The following RNF111 variants were observed in gnomAD, a reference collection of about 807,000 sequenced individuals.
The protein encoded by RNF111 is ring finger protein 111, also known as E3 ubiquitin-protein ligase Arkadia.
In RNF111, 17 loss-of-function variants were observed where a neutral mutation model predicts 95.1. The ratio of observed to expected loss-of-function variants is 0.18; its 90% CI spans 0.12 to 0.27. The LOEUF (loss-of-function observed/expected upper bound fraction) is 0.27. Among genes scored for constraint, RNF111 ranks in the 10% least tolerant of loss-of-function variants. The pLI, the probability that RNF111 is intolerant of heterozygous loss-of-function variation, is 1.00. For missense variants in RNF111, 1,189 were observed against 1,210.4 expected, an observed-to-expected ratio of 0.98 and a Z score of 0.26; for synonymous variants, 440 against 414.8, an observed-to-expected ratio of 1.06 and a Z score of -0.74.
chr15:59,090,615 G>T (rs939969660), intron 11 of RNF111, among the ~76,000 whole-genome samples: 3 of 152,124 alleles, frequency 2.0e-5, no homozygotes, highest in African/African-American at 7.2e-5. Context: ...TAATTTACTA[G>T]AATTATTTCA....
chr15:59,017,176 G>A (rs1596089115), intron 1 of RNF111, among the ~76,000 whole-genome samples: 1 of 129,330 alleles, frequency 7.7e-6, no homozygotes, highest in East Asian at 2.7e-4. Context: ...TGGAAAAATT[G>A]TCTTCTACGA....
chr15:59,055,627 G>T, intron 3 of RNF111, 55 bp from the exon 4 acceptor site: 1 of 1,323,946 alleles, frequency 7.6e-7, no homozygotes, highest in Middle Eastern at 2.7e-4. Context: ...GGGTTTTTGT[G>T]GTGACTAAAA....
In RNF111 at chr15:59,076,015, A is replaced by G. The variant is rs1292420193; in HGVS notation, c.1748A>G (p.His583Arg). Residue 583 changes from histidine to arginine, a missense_variant, in exon 7 of 14, where the codon CAT becomes CGT. Physicochemically the swap from His to Arg is conservative, Grantham distance 29. This residue lies in a region of RNF111 where 1,024 missense variants were observed against 925.9 expected (regional missense o/e 1.11). Transcript: ENST00000348370. ...GIRSHGSGSF[H>R]GASAFDPCCP... ...AGAAGTCATGGAAGTGGCAGTTTTC[A>G]TGGAGCATCTGCATTTGACCCCTGC... 3 of 1,614,240 alleles carry G rather than the reference A, an allele frequency of 1.9e-6. No homozygotes were observed. The highest frequency in any genetic ancestry group is 2.5e-6 in the Non-Finnish European group (3 of 1,180,042).
chr15:59,014,940 CAG>C (rs1236088000), intron 1 of RNF111, among the ~76,000 whole-genome samples: 5 of 152,170 alleles, frequency 3.3e-5, no homozygotes, highest in African/African-American at 1.2e-4. Context: ...TTTTTAGAGA[CAG>C]AGTTTCACCA....
intron 2 of RNF111, among the ~76,000 whole-genome samples, chr15:59,032,535 C>T (rs76666814): frequency 0.03 from 4,508 of 152,220 alleles, 222 homozygotes; most frequent in African/African-American, 0.1. Context: ...CGTCCTCCCA[C>T]GTCAGCGCCT....
At chr15:59,057,806 A>C (rs1415541594) in intron 4 of RNF111, among the ~76,000 whole-genome samples, 1 of 152,246 alleles carries the variant, frequency 6.6e-6, no homozygotes, top group African/African-American at 2.4e-5. Flanking sequence ...ATGTGATCTC[A>C]GTTCATCCTA....
At chr15:59,083,049 T>G (rs1249205741) in intron 8 of RNF111, among the ~76,000 whole-genome samples, 1 of 152,010 alleles carries the variant, frequency 6.6e-6, no homozygotes, top group African/African-American at 2.4e-5. Flanking sequence ...CTCAGGTGGC[T>G]GAGGTGGGAG....
intron 7 of RNF111, among the ~76,000 whole-genome samples, chr15:59,077,935 G>T (rs927826514): frequency 6.6e-6 from 1 of 152,098 alleles, no homozygotes; most frequent in Non-Finnish European, 1.5e-5. Flanking sequence ...CAACTTGCCC[G>T]TGCTTTTAAA....
At chr15:59,091,793 T>C (rs1277572982) in intron 12 of RNF111, among the ~76,000 whole-genome samples, 2 of 152,126 alleles carry the variant, frequency 1.3e-5, no homozygotes, top group Non-Finnish European at 2.9e-5. Context: ...GAGGGGATAG[T>C]TTCAGAATGA....
chr15:59,030,930 C>G lies in RNF111; in HGVS notation c.108C>G (p.Ile36Met). ...AGACACAGGAGAGTCTGAAAGGGATCCTTTTGCATCCAGAGCCCATTGGGG... is the reference window on the plus strand; with the variant it reads ...AGACACAGGAGAGTCTGAAAGGGATGCTTTTGCATCCAGAGCCCATTGGGG... ...APKTQESLKG[I>M]LLHPEPIGAA... The change falls in exon 2 of 14, where the codon ATC becomes ATG. Residue 36 changes from isoleucine (I) to methionine (M), a missense_variant. Physicochemically the swap from Ile to Met is conservative, Grantham distance 10. Coordinates refer to ENST00000348370, the MANE Select transcript of RNF111 (RefSeq NM_017610.8). 1 of 1,614,196 alleles carries G rather than the reference C, an allele frequency of 6.2e-7. No individual in the cohort carries two copies. The highest frequency in any genetic ancestry group is 8.5e-7 in the Non-Finnish European group (1 of 1,180,038).
intron 5 of RNF111, 94 bp downstream of exon 5, chr15:59,058,644 A>G (rs2042302829): frequency 2.8e-6 from 3 of 1,069,290 alleles, no homozygotes; most frequent in Non-Finnish European, 4.3e-6. Flanking sequence ...AGCTATGTTA[A>G]TAAGCGGGTA....
At chr15:58,997,075 G>A (rs2039107969) in intron 1 of RNF111, among the ~76,000 whole-genome samples, 1 of 151,796 alleles carries the variant, frequency 6.6e-6, no homozygotes, top group Admixed American at 6.6e-5. Context: ...CAGTTTAAGT[G>A]TCTTTTTTTA....
intron 5 of RNF111, among the ~76,000 whole-genome samples, chr15:59,066,392 C>T (rs1413554267): frequency 1.3e-5 from 2 of 152,144 alleles, no homozygotes; most frequent in Non-Finnish European, 2.9e-5. Flanking sequence ...GGGCAGATCA[C>T]CTGAGGTTGG....
At position 59,069,845 on chromosome 15, in the gene RNF111, T is replaced by G. The variant is rs2042830012; in HGVS notation, c.1686+2762T>G. ...AGCAAACAAAACCTGAGATTTGTGA[T>G]TTTGTAGATATCTTATGTTTGAGTG... On this transcript the variant is annotated intron_variant, in intron 6 of 13. Coordinates refer to ENST00000348370, the MANE Select transcript of RNF111 (RefSeq NM_017610.8). Among the ~76,000 whole-genome samples, 3 of 152,124 alleles carry G rather than the reference T, an allele frequency of 2.0e-5. No homozygotes were observed. In the South Asian group the frequency reaches 6.2e-4, roughly 32 times the overall value.
At chr15:59,032,557 G>A (rs1237444757) in intron 2 of RNF111, among the ~76,000 whole-genome samples, 1 of 152,088 alleles carries the variant, frequency 6.6e-6, no homozygotes, top group Non-Finnish European at 1.5e-5. Flanking sequence ...AAGTAGCTGG[G>A]ACTACAGGCC....
chr15:59,031,345 A>G lies in RNF111; in HGVS notation c.523A>G (p.Arg175Gly), dbSNP rs1399189461. Residue 175 changes from arginine to glycine, a missense_variant, in exon 2 of 14, where the codon AGA becomes GGA. Arg to Gly is a moderately radical substitution (Grantham distance 125, BLOSUM62 -2). Around this residue, in one of 2 missense-constraint regions of RNF111, gnomAD observed 1,024 missense variants for 925.9 expected, o/e 1.11. Coordinates refer to ENST00000348370, the MANE Select transcript of RNF111 (RefSeq NM_017610.8). ...CCAGACCATTTTGAATGCTAAAAGT[A>G]GAAGCCATAGTGCACGGTCTCATAA... is the stretch of plus-strand genomic sequence containing the variant. ...HSQTILNAKSRSHSARSHKWP... is the reference protein window; with the variant it reads ...HSQTILNAKSGSHSARSHKWP... The G allele has an allele frequency of 6.2e-7, 1 of 1,614,246 alleles. No homozygotes were observed. Among genetic ancestry groups the G allele is most frequent in the East Asian group, 2.2e-5 (1 of 44,890 alleles).
intron 5 of RNF111, among the ~76,000 whole-genome samples, chr15:59,065,271 A>C (rs1322012452): frequency 6.6e-6 from 1 of 152,140 alleles, no homozygotes; most frequent in African/African-American, 2.4e-5. Flanking sequence ...TCTTTTATAT[A>C]GTTTCCATAT....
Position 58,995,764 on chromosome 15 carries a change from CTTTTTT to C in RNF111, c.-20+7715_-20+7720del, listed in dbSNP as rs34209382. ...CAGGCATGAGATGCCGTGCCCCGGCCTTTTTTTTTTTTTTTTTTTTTTTTAAGTATT... is the reference window on the plus strand; with the variant it reads ...CAGGCATGAGATGCCGTGCCCCGGCCTTTTTTTTTTTTTTTTTTAAGTATT... On this transcript the variant is annotated intron_variant, in intron 1 of 13. Transcript: ENST00000348370. 1.5e-4 allele frequency among the ~76,000 whole-genome samples: 15 copies of C among 99,526 alleles called. No homozygotes were observed. In the East Asian group the frequency reaches 2.4e-3, roughly 16 times the overall value. The allele number at this position is 99,526 out of a possible 152,430, so 65.3% of individuals were successfully genotyped here.
intron 2 of RNF111, among the ~76,000 whole-genome samples, chr15:59,035,299 C>T (rs1482965714): frequency 6.6e-6 from 1 of 152,160 alleles, no homozygotes; most frequent in East Asian, 1.9e-4. Context: ...AATCCCATGT[C>T]CTCATATTTC....
Sources: gnomAD v4.1 joint callset for allele counts (sites outside exome capture counted in the v4.1 genomes callset) on GRCh38, gnomAD v4.1.1 for gene constraint, gnomAD v4.1.1 regional missense constraint, MANE v1.5 for transcripts, NCBI Gene and HGNC (gene_info 2026-07-23, HGNC 2026-07-21) for gene names.